PCDHB6: variants seen among roughly 807,000 people sequenced by gnomAD.
PCDHB6 encodes the protein protocadherin beta 6.
For missense variants in PCDHB6, 1,137 were observed against 1,010.1 expected (o/e 1.13, Z -1.70); for synonymous variants, 506 against 459.0 (o/e 1.10, Z -1.31).
chr5:141,150,441 G>A lies in PCDHB6; in HGVS notation c.184G>A (p.Gly62Ser), dbSNP rs781991742. The A allele has an allele frequency of 4.0e-5, 64 of 1,613,938 alleles. No individual in the cohort carries two copies. The highest frequency in any genetic ancestry group is 5.3e-5 in the Non-Finnish European group (62 of 1,180,038). ...GAGGGTGGGGGAGCTGGCTTCGCGG[G>A]GCGCTCGGGTTGTTTTCAAAGGGAA... ...GLRVGELASR[G>S]ARVVFKGNRQ... Residue 62 changes from glycine (G) to serine (S), a missense_variant, in exon 1 of 1, where the codon GGC becomes AGC. Gly to Ser is a moderately conservative substitution (Grantham distance 56). Coordinates refer to ENST00000231136, the MANE Select transcript of PCDHB6 (RefSeq NM_018939.4).
chr5:141,151,753 C>G lies in PCDHB6; in HGVS notation c.1496C>G (p.Ser499Cys). The change falls in exon 1 of 1, where the codon TCT (serine) becomes TGT (cysteine). Residue 499 changes from serine (S) to cysteine (C), a missense_variant. Coordinates refer to ENST00000231136, the MANE Select transcript of PCDHB6 (RefSeq NM_018939.4). ...CCCCAGGACCCGCACCTGCCCCTCT[C>G]TTCCCTGGTCTCCATCAACGCGGAC... ...LPPQDPHLPL[S>C]SLVSINADNG... 4 of 1,613,368 alleles carry G rather than the reference C, an allele frequency of 2.5e-6. No homozygotes were observed. Among genetic ancestry groups the G allele is most frequent in the Non-Finnish European group, 3.4e-6 (4 of 1,180,034 alleles).
Position 141,152,620 on chromosome 5 carries a change from G to C in PCDHB6, c.2363G>C (p.Arg788Pro), listed in dbSNP as rs1554278079. Residue 788 changes from arginine (R) to proline (P), a missense_variant, in exon 1 of 1, where the codon CGG becomes CCG. Transcript: ENST00000231136. ...EREMEETPTS[R>P]NSFPFS Reference sequence around the variant, plus strand: ...GAAATGGAAGAAACCCCCACCTCTCGGAATAGCTTCCCGTTCAGTTAAGTG... The same window carrying C: ...GAAATGGAAGAAACCCCCACCTCTCCGAATAGCTTCCCGTTCAGTTAAGTG... The C allele has an allele frequency of 6.2e-7, 1 of 1,602,690 alleles. No individual in the cohort carries two copies. The highest frequency in any genetic ancestry group is 8.5e-7 in the Non-Finnish European group (1 of 1,173,152).
rs1554278077 is a variant in PCDHB6, at chr5:141,152,613, A to G, written c.2356A>G (p.Thr786Ala). The part of the protein sequence containing the change: ...GTEREMEETP[T>A]SRNSFPFS ...TGAGAGAGAAATGGAAGAAACCCCC[A>G]CCTCTCGGAATAGCTTCCCGTTCAG... Residue 786 changes from threonine (T) to alanine (A), a missense_variant, in exon 1 of 1, where the codon ACC (threonine) becomes GCC (alanine). Physicochemically the swap from Thr to Ala is moderately conservative, Grantham distance 58 (BLOSUM62 0). Coordinates refer to ENST00000231136, the MANE Select transcript of PCDHB6 (RefSeq NM_018939.4). 1.3e-6 allele frequency: 2 copies of G among 1,598,202 alleles called. No homozygotes were observed. Among genetic ancestry groups the G allele is most frequent in the Admixed American group, 3.4e-5 (2 of 58,864 alleles).
rs782270915 is a variant in PCDHB6, at chr5:141,152,533, C to T, written c.2276C>T (p.Thr759Ile). Residue 759 changes from threonine to isoleucine, a missense_variant, in exon 1 of 1, where the codon ACA becomes ATA. Physicochemically the swap from Thr to Ile is moderately conservative, Grantham distance 89. Coordinates refer to ENST00000231136, the MANE Select transcript of PCDHB6 (RefSeq NM_018939.4). ...YKVCLTGGSE[T>I]NEFKFLKPIM... The stretch of plus-strand genomic sequence containing the variant: ...GTGTGTCTGACGGGAGGCTCAGAAA[C>T]AAATGAGTTCAAGTTCCTGAAGCCG... The T allele has an allele frequency of 1.2e-6, 2 of 1,614,062 alleles. No individual in the cohort carries two copies. The highest frequency in any genetic ancestry group is 1.7e-5 in the Admixed American group (1 of 60,026).
Position 141,151,771 on chromosome 5 carries a change from A to G in PCDHB6, c.1514A>G (p.Asn505Ser). Residue 505 changes from asparagine (N) to serine (S), a missense_variant, in exon 1 of 1, where the codon AAC (asparagine) becomes AGC (serine). Transcript: ENST00000231136. ...CCCCTCTCTTCCCTGGTCTCCATCAACGCGGACAACGGCCACCTGTTTGCC... is the reference window on the plus strand; with the variant it reads ...CCCCTCTCTTCCCTGGTCTCCATCAGCGCGGACAACGGCCACCTGTTTGCC... ...HLPLSSLVSI[N>S]ADNGHLFALR... 6.2e-7 allele frequency: 1 copy of G among 1,613,252 alleles called. No individual in the cohort carries two copies.
rs782491744 is a variant in PCDHB6, at chr5:141,151,264, T to C, written c.1007T>C (p.Leu336Pro). The C allele has an allele frequency of 6.2e-7, 1 of 1,614,202 alleles. No homozygotes were observed. Among genetic ancestry groups the C allele is most frequent in the Non-Finnish European group, 8.5e-7 (1 of 1,180,040 alleles). The change falls in exon 1 of 1, where the codon CTG becomes CCG. Residue 336 changes from leucine (L) to proline (P), a missense_variant. Physicochemically the swap from Leu to Pro is moderately conservative, Grantham distance 98. Coordinates refer to ENST00000231136, the MANE Select transcript of PCDHB6 (RefSeq NM_018939.4). ...AAATGCTCTTTAGTCGTCAGGGTCC[T>C]GGACGTGAATGACAATGCCCCTGAA... ...SGKCSLVVRVLDVNDNAPELT... is the reference protein window; with the variant it reads ...SGKCSLVVRVPDVNDNAPELT...
In PCDHB6 at chr5:141,151,967, C is replaced by T. The variant is rs1752886623; in HGVS notation, c.1710C>T (p.Cys570=). ...CGCTGCAGAACGGCTCCGCGCCCTG[C>T]ACCGAGCTGGTGCCCCGGGCGGCCG... ...LYPLQNGSAP[C]TELVPRAAEP... The change falls in exon 1 of 1, where the codon TGC becomes TGT. Residue 570 remains cysteine, a synonymous_variant. Transcript: ENST00000231136. 6.2e-7 allele frequency: 1 copy of T among 1,610,450 alleles called. No individual in the cohort carries two copies. Among genetic ancestry groups the T allele is most frequent in the African/African-American group, 1.3e-5 (1 of 74,920 alleles).
chr5:141,151,178 T>C lies in PCDHB6; in HGVS notation c.921T>C (p.Phe307=), dbSNP rs1277868678. ...TTCGGCTGAGAAAGGCTTTGGATTTTGAGGAAATTCAGTCTTATGACGTGG... is the reference window on the plus strand; with the variant it reads ...TTCGGCTGAGAAAGGCTTTGGATTTCGAGGAAATTCAGTCTTATGACGTGG... ...GEIRLRKALD[F]EEIQSYDVDV... The change falls in exon 1 of 1, where the codon TTT becomes TTC. Residue 307 remains phenylalanine, a synonymous_variant. Coordinates refer to ENST00000231136, the MANE Select transcript of PCDHB6 (RefSeq NM_018939.4). 1.9e-6 allele frequency: 3 copies of C among 1,613,994 alleles called. No individual in the cohort carries two copies. The highest frequency in any genetic ancestry group is 2.7e-5 in the African/African-American group (2 of 74,902).
At position 141,152,519 on chromosome 5, in the gene PCDHB6, G is replaced by T; in HGVS notation, c.2262G>T (p.Thr754=). Residue 754 remains threonine, a synonymous_variant, in exon 1 of 1, where the codon ACG becomes ACT. Coordinates refer to ENST00000231136, the MANE Select transcript of PCDHB6 (RefSeq NM_018939.4). ...SQSYQYKVCL[T]GGSETNEFKF... is the part of the protein sequence containing the mutation. The stretch of plus-strand genomic sequence containing the variant: ...GCTACCAGTACAAGGTGTGTCTGAC[G>T]GGAGGCTCAGAAACAAATGAGTTCA... The T allele has an allele frequency of 1.9e-6, 3 of 1,614,076 alleles. No individual in the cohort carries two copies. The highest frequency in any genetic ancestry group is 1.7e-6 in the Non-Finnish European group (2 of 1,180,024).
At position 141,150,119 on chromosome 5, in the gene PCDHB6, G is replaced by T; in HGVS notation, c.-139G>T. On this transcript the variant is annotated 5_prime_UTR_variant, in exon 1 of 1. Coordinates refer to ENST00000231136, the MANE Select transcript of PCDHB6 (RefSeq NM_018939.4). The stretch of plus-strand genomic sequence containing the variant: ...TTACAGCTAAAGCTGAGATAGATGT[G>T]TCCGGGAAGGCAGTCGTCGCCAGAC... 1 of 655,734 alleles carries T rather than the reference G, an allele frequency of 1.5e-6. No individual in the cohort carries two copies. Among genetic ancestry groups the T allele is most frequent in the Non-Finnish European group, 2.6e-6 (1 of 385,244 alleles). 40.6% of individuals were successfully genotyped at this position (655,734 alleles called of 1,614,324 possible).
Position 141,152,087 on chromosome 5 carries a change from C to T in PCDHB6, c.1830C>T (p.Leu610=), listed in dbSNP as rs781875855. ...ACCAGCTGCTCAAGGCCACGGAGCT[C>T]GGTCTGTTCGGCGTGTGGGCGCACA... The part of the protein sequence containing the change: ...LSYQLLKATE[L]GLFGVWAHNG... The change falls in exon 1 of 1, where the codon CTC becomes CTT. Residue 610 remains leucine (L), a synonymous_variant. Coordinates refer to ENST00000231136, the MANE Select transcript of PCDHB6 (RefSeq NM_018939.4). 33 of 1,606,592 alleles carry T rather than the reference C, an allele frequency of 2.1e-5. No individual in the cohort carries two copies. Among genetic ancestry groups the T allele is most frequent in the Admixed American group, 8.3e-5 (5 of 59,972 alleles).
At position 141,150,065 on chromosome 5, in the gene PCDHB6, C is replaced by A; in HGVS notation, c.-193C>A. 1 of 555,936 alleles carries A rather than the reference C, an allele frequency of 1.8e-6. No homozygotes were observed. Among genetic ancestry groups the A allele is most frequent in the Non-Finnish European group, 3.2e-6 (1 of 317,078 alleles). 34.4% of individuals were successfully genotyped at this position (555,936 alleles called of 1,614,324 possible). On this transcript the variant is annotated 5_prime_UTR_variant, in exon 1 of 1. Transcript: ENST00000231136. ...CAGACTCGGTGGACTCCGTTTCATCCAGAAGCCAAGTAAAAATACAGACCA... is the reference window on the plus strand; with the variant it reads ...CAGACTCGGTGGACTCCGTTTCATCAAGAAGCCAAGTAAAAATACAGACCA...
chr5:141,150,724 C>A lies in PCDHB6; in HGVS notation c.467C>A (p.Ala156Glu), dbSNP rs1554277501. Residue 156 changes from alanine (A) to glutamate (E), a missense_variant, in exon 1 of 1, where the codon GCA (alanine) becomes GAA (glutamate). Ala to Glu is a moderately radical substitution (Grantham distance 107). Transcript: ENST00000231136. ...MPGKIFPLKM[A>E]HDLDTGSNGL... is the part of the protein sequence containing the mutation. ...GGAAAGATATTTCCTTTGAAAATGG[C>A]ACACGATTTAGACACCGGCAGCAAC... 1 of 1,614,184 alleles carries A rather than the reference C, an allele frequency of 6.2e-7. No homozygotes were observed. Among genetic ancestry groups the A allele is most frequent in the East Asian group, 2.2e-5 (1 of 44,886 alleles).
Position 141,150,121 on chromosome 5 carries a change from C to A in PCDHB6, c.-137C>A. ...ACAGCTAAAGCTGAGATAGATGTGT[C>A]CGGGAAGGCAGTCGTCGCCAGACAA... On this transcript the variant is annotated 5_prime_UTR_variant, in exon 1 of 1. Coordinates refer to ENST00000231136, the MANE Select transcript of PCDHB6 (RefSeq NM_018939.4). 1 of 662,218 alleles carries A rather than the reference C, an allele frequency of 1.5e-6. No homozygotes were observed. Among genetic ancestry groups the A allele is most frequent in the Non-Finnish European group, 2.6e-6 (1 of 391,102 alleles). 41.0% of individuals were successfully genotyped at this position (662,218 alleles called of 1,614,324 possible). A position where few individuals can be genotyped will look rare whatever the true frequency, so the allele number is the denominator to read the frequency against.
At position 141,150,343 on chromosome 5, in the gene PCDHB6, C is replaced by A; in HGVS notation, c.86C>A (p.Ser29Ter). The A allele has an allele frequency of 6.2e-7, 1 of 1,614,068 alleles. No individual in the cohort carries two copies. The highest frequency in any genetic ancestry group is 8.5e-7 in the Non-Finnish European group (1 of 1,180,002). ...CTTTGGGGAGAGGTGGGTTCTGAAT[C>A]GATTCAGTATTCCGTATTGGAGGAG... is the stretch of plus-strand genomic sequence containing the variant. ...LMLWGEVGSE[S>*]IQYSVLEETE... Residue 29 changes from serine to a stop codon, truncating the protein, a stop_gained, in exon 1 of 1, where the codon TCG (serine) becomes TAG (stop). Coordinates refer to ENST00000231136, the MANE Select transcript of PCDHB6 (RefSeq NM_018939.4). LOFTEE classifies it low-confidence loss of function (END_TRUNC).
rs782806062 is a variant in PCDHB6, at chr5:141,150,898, TGGATGGC to T, written c.644_650del (p.Asp215GlyfsTer52). On this transcript the variant is annotated frameshift_variant, in exon 1 of 1. Coordinates refer to ENST00000231136, the MANE Select transcript of PCDHB6 (RefSeq NM_018939.4). LOFTEE classifies it low-confidence loss of function (END_TRUNC). ...CAACTCAGGCTAACGCTGATCGCGC[TGGATGGC>T]GGGTCTCCGCCCCGGTCAGGGACCT... is the stretch of plus-strand genomic sequence containing the variant. 5.0e-6 allele frequency: 8 copies of T among 1,614,072 alleles called. No homozygotes were observed. The East Asian group carries it at 1.8e-4, about 36-fold the overall frequency.
chr5:141,150,418 G>A lies in PCDHB6; in HGVS notation c.161G>A (p.Arg54Lys). The stretch of plus-strand genomic sequence containing the variant: ...AACTTGACAAAGGACCTGGGACTGA[G>A]GGTGGGGGAGCTGGCTTCGCGGGGC... ...VANLTKDLGL[R>K]VGELASRGAR... The change falls in exon 1 of 1, where the codon AGG becomes AAG. Residue 54 changes from arginine to lysine, a missense_variant. Transcript: ENST00000231136. 1 of 1,614,128 alleles carries A rather than the reference G, an allele frequency of 6.2e-7. No homozygotes were observed. Among genetic ancestry groups the A allele is most frequent in the Non-Finnish European group, 8.5e-7 (1 of 1,180,020 alleles).
Position 141,150,469 on chromosome 5 carries a change from G to C in PCDHB6, c.212G>C (p.Arg71Thr). ...RGARVVFKGN[R>T]QHLQFDPQTH... ...GCTCGGGTTGTTTTCAAAGGGAACA[G>C]ACAACATTTGCAGTTTGATCCACAG... Residue 71 changes from arginine (R) to threonine (T), a missense_variant, in exon 1 of 1, where the codon AGA becomes ACA. Arg to Thr is a moderately conservative substitution (Grantham distance 71). Coordinates refer to ENST00000231136, the MANE Select transcript of PCDHB6 (RefSeq NM_018939.4). 1 of 1,614,148 alleles carries C rather than the reference G, an allele frequency of 6.2e-7. No individual in the cohort carries two copies. The highest frequency in any genetic ancestry group is 8.5e-7 in the Non-Finnish European group (1 of 1,180,034).
rs1752927443 is a variant in PCDHB6 at position 141,153,008 on chromosome 5, G to T, written c.*366G>T. The T allele has an allele frequency of 1.7e-5, 3 of 175,226 alleles. No homozygotes were observed. Among genetic ancestry groups the T allele is most frequent in the African/African-American group, 7.3e-5 (3 of 41,082 alleles). 10.9% of individuals were successfully genotyped at this position (175,226 alleles called of 1,614,324 possible). ...AGGACTGTTTAAAATGTGAGTATCT[G>T]ATATTATTTAATCCTCCAATGTCTC... On this transcript the variant is annotated 3_prime_UTR_variant, in exon 1 of 1. Transcript: ENST00000231136.
Sources: allele counts gnomAD v4.1 joint callset, GRCh38; gene constraint gnomAD v4.1.1; transcripts MANE v1.5; gene names NCBI Gene and HGNC (gene_info 2026-07-23, HGNC 2026-07-21).